RPS6KA2: variants seen among roughly 807,000 people sequenced by gnomAD.
RPS6KA2 encodes the protein ribosomal protein S6 kinase A2, also known as ribosomal protein S6 kinase alpha-2.
RPS6KA2 carries 42 observed loss-of-function variants against 91.8 expected under a neutral mutation model. The observed-to-expected ratio is 0.46, with a 90% CI of 0.36 to 0.59. The LOEUF (loss-of-function observed/expected upper bound fraction) is 0.59, where lower values mean the gene tolerates loss of function less well. Among genes scored for constraint, RPS6KA2 ranks in the 20% least tolerant of loss-of-function variants. The pLI is 0.00. For missense variants in RPS6KA2, 798 were observed against 978.5 expected, an observed-to-expected ratio of 0.82 and a Z score of 2.46; for synonymous variants, 414 against 393.6, an observed-to-expected ratio of 1.05 and a Z score of -0.61.
chr6:166,460,482 G>A (rs1255659139), intron 11 of RPS6KA2, among the ~76,000 whole-genome samples: 1 of 152,218 alleles, frequency 6.6e-6, no homozygotes, highest in East Asian at 1.9e-4. Context: ...TGAGAGAAGT[G>A]TGGAGGGGGA....
At chr6:166,701,799 T>C (rs1789528842) in intron 2 of RPS6KA2, 3 of 953,308 alleles carry the variant, frequency 3.1e-6, no homozygotes, top group Admixed American at 3.8e-5. Context: ...ATTTTCTTCA[T>C]GATCTCTTCC....
chr6:166,597,273 A>G (rs988370505), intron 1 of RPS6KA2, among the ~76,000 whole-genome samples: 1 of 152,238 alleles, frequency 6.6e-6, no homozygotes, highest in Admixed American at 6.5e-5. Context: ...GAGGCCCCAA[A>G]GGACACAGCC....
At chr6:166,421,748 T>G (rs1778728278) in intron 17 of RPS6KA2, among the ~76,000 whole-genome samples, 1 of 152,192 alleles carries the variant, frequency 6.6e-6, no homozygotes, top group Non-Finnish European at 1.5e-5. Context: ...CTTTTTCTCT[T>G]GTTAATCTGT....
At chr6:166,484,665 G>A (rs1476804619) in intron 10 of RPS6KA2, among the ~76,000 whole-genome samples, 1 of 152,190 alleles carries the variant, frequency 6.6e-6, no homozygotes, top group Non-Finnish European at 1.5e-5. Context: ...CACTGAGGAT[G>A]GGAAACAGAA....
chr6:166,822,536 C>G (rs1779930080), intron 2 of RPS6KA2, among the ~76,000 whole-genome samples: 1 of 152,208 alleles, frequency 6.6e-6, no homozygotes, highest in African/African-American at 2.4e-5. Flanking sequence ...GTTGTGAAAG[C>G]TGCCGAGTCT....
chr6:166,767,459 G>A lies in RPS6KA2; in HGVS notation c.123+90741C>T, dbSNP rs921342437. On this transcript the variant is annotated intron_variant, in intron 2 of 21. Transcript: ENST00000503859. This position sits in a 1 kb window ranked among gnomAD's most constrained non-coding sequence, Gnocchi z 4.6. ...ACAAAAAGGACAGAGAAGCCAGCTC[G>A]CGCTCCCTTCAGGATCCTACTTGGA... 9.2e-5 allele frequency among the ~76,000 whole-genome samples: 14 copies of A among 152,124 alleles called. No individual in the cohort carries two copies. The East Asian group carries it at 2.3e-3, about 25-fold the overall frequency.
At chr6:166,703,270 A>G (rs1204604239) in intron 2 of RPS6KA2, among the ~76,000 whole-genome samples, 1 of 152,234 alleles carries the variant, frequency 6.6e-6, no homozygotes, top group African/African-American at 2.4e-5. Context: ...TTATGTTACT[A>G]TGGGAACAGC....
At chr6:166,457,736 T>C (rs1380186282) in intron 12 of RPS6KA2, among the ~76,000 whole-genome samples, 13 of 152,140 alleles carry the variant, frequency 8.5e-5, no homozygotes, top group Admixed American at 8.5e-4. Flanking sequence ...CCTCCCTATC[T>C]GCACACGCTC....
Position 166,627,190 on chromosome 6 carries a change from C to G in RPS6KA2, c.-171G>C, listed in dbSNP as rs1463215839. 13 of 1,046,928 alleles carry G rather than the reference C, an allele frequency of 1.2e-5. No individual in the cohort carries two copies. Among genetic ancestry groups the G allele is most frequent in the African/African-American group, 1.0e-4 (6 of 58,618 alleles). 64.9% of individuals were successfully genotyped at this position (1,046,928 alleles called of 1,614,324 possible). A position where few individuals can be genotyped will look rare whatever the true frequency, so the allele number is the denominator to read the frequency against. ...TGCGGTCACAAAGGGCAGGCCGCGC[C>G]GGCCACCGCGGCCGGGGCCACAATC... On this transcript the variant is annotated 5_prime_UTR_variant, in exon 1 of 21. Coordinates refer to ENST00000265678, the MANE Select transcript of RPS6KA2 (RefSeq NM_021135.6).
intron 2 of RPS6KA2, among the ~76,000 whole-genome samples, chr6:166,744,275 C>T (rs926179359): frequency 2.6e-5 from 4 of 152,172 alleles, no homozygotes; most frequent in African/African-American, 9.7e-5. Flanking sequence ...TGGCAGGGTC[C>T]CTGGCTCTCC....
chr6:166,459,943 A>G lies in RPS6KA2; in HGVS notation c.973-392T>C, dbSNP rs1780219559. Among the ~76,000 whole-genome samples, 1 of 152,204 alleles carries G rather than the reference A, an allele frequency of 6.6e-6. No homozygotes were observed. Among genetic ancestry groups the G allele is most frequent in the African/African-American group, 2.4e-5 (1 of 41,454 alleles). ...ACCACTTGCCCCCACTGGGGACAGCAGTGAAGAGGCCGTGTGGCTCTCTCC... is the reference window on the plus strand; with the variant it reads ...ACCACTTGCCCCCACTGGGGACAGCGGTGAAGAGGCCGTGTGGCTCTCTCC... On this transcript the variant is annotated intron_variant, in intron 11 of 20. Transcript: ENST00000265678. The surrounding 1 kb of genome is among the most constrained non-coding windows in gnomAD (Gnocchi z 4.9).
In RPS6KA2 at chr6:166,419,874, C is replaced by A; in HGVS notation, c.1820+8G>T. The A allele has an allele frequency of 1.2e-6, 2 of 1,613,008 alleles. No individual in the cohort carries two copies. The highest frequency in any genetic ancestry group is 1.7e-6 in the Non-Finnish European group (2 of 1,179,064). ...TCCTCCTGACACCTGTTTGAGGTGA[C>A]TGCTTACCCTGCCAGCATGGTGTAC... On this transcript the variant is annotated splice_region_variant and intron_variant, in intron 18 of 20. Transcript: ENST00000265678. The surrounding 1 kb of genome is among the most constrained non-coding windows in gnomAD (Gnocchi z 5.6).
chr6:166,797,391 G>T (rs845649), intron 2 of RPS6KA2, among the ~76,000 whole-genome samples: 1 of 151,842 alleles, frequency 6.6e-6, no homozygotes, highest in Non-Finnish European at 1.5e-5. Context: ...GCTCCCTGCA[G>T]AGTCAAAAAT....
At chr6:166,625,809 T>C (rs924405903) in intron 1 of RPS6KA2, among the ~76,000 whole-genome samples, 1 of 152,248 alleles carries the variant, frequency 6.6e-6, no homozygotes, top group South Asian at 2.1e-4. Flanking sequence ...GAACCGGCCA[T>C]ACTGATCCTA....
At chr6:166,456,398 G>A (rs1166059003) in intron 12 of RPS6KA2, among the ~76,000 whole-genome samples, 1 of 152,228 alleles carries the variant, frequency 6.6e-6, no homozygotes, top group Non-Finnish European at 1.5e-5. Context: ...TCAGATAAAA[G>A]GAGATGTAGA....
At chr6:166,604,803 C>T (rs558370734) in intron 1 of RPS6KA2, among the ~76,000 whole-genome samples, 8 of 152,344 alleles carry the variant, frequency 5.3e-5, no homozygotes, top group Admixed American at 4.6e-4. Flanking sequence ...CAACGCAGAC[C>T]TACCAGGGCT....
Position 166,857,327 on chromosome 6 carries a change from T to C in RPS6KA2, c.123+873A>G, listed in dbSNP as rs1329730478. ...TGGCTGAGCGACTCAGTCTTCTTAATGGCCAAGTCAATGGCCCACGGCTCC... is the reference window on the plus strand; with the variant it reads ...TGGCTGAGCGACTCAGTCTTCTTAACGGCCAAGTCAATGGCCCACGGCTCC... On this transcript the variant is annotated intron_variant, in intron 2 of 21. Transcript: ENST00000503859. Among the ~76,000 whole-genome samples, 3 of 152,208 alleles carry C rather than the reference T, an allele frequency of 2.0e-5. No homozygotes were observed. The East Asian group carries it at 5.8e-4, about 29-fold the overall frequency.
chr6:166,734,223 T>C (rs1276281033), intron 2 of RPS6KA2, among the ~76,000 whole-genome samples: 1 of 152,196 alleles, frequency 6.6e-6, no homozygotes, highest in Non-Finnish European at 1.5e-5. Flanking sequence ...TCACTCTTCT[T>C]ACTAGTTTAT....
chr6:166,817,948 C>T (rs536449333), intron 2 of RPS6KA2, among the ~76,000 whole-genome samples: 1 of 152,160 alleles, frequency 6.6e-6, no homozygotes, highest in Admixed American at 6.5e-5. Flanking sequence ...GTCTTGAACT[C>T]CTGAGCTCAG....
Sources: gnomAD v4.1 joint callset for allele counts (sites outside exome capture counted in the v4.1 genomes callset) on GRCh38, gnomAD v4.1.1 for gene constraint, Gnocchi (gnomAD v3.1) non-coding constraint, MANE v1.5 for transcripts, NCBI Gene and HGNC (gene_info 2026-07-23, HGNC 2026-07-21) for gene names.